Variants in NTM observed in about 807,000 individuals in gnomAD.
NTM encodes the protein neurotrimin.
A neutral mutation model predicts 42.1 loss-of-function variants in NTM; 13 were observed. That is an observed-to-expected ratio of 0.31 (90% CI 0.20 to 0.49). NTM has a LOEUF of 0.49. NTM is among the 20% of genes least tolerant of loss of function. NTM has a pLI of 0.99. For synonymous variants in NTM, 187 were observed against 179.2 expected, an observed-to-expected ratio of 1.04 and a Z score of -0.35; for missense variants, 373 against 452.8, an observed-to-expected ratio of 0.82 and a Z score of 1.60.
chr11:131,484,720 C>G (rs1460949583), intron 1 of NTM, among the ~76,000 whole-genome samples: 2 of 152,186 alleles, frequency 1.3e-5, no homozygotes, highest in African/African-American at 4.8e-5. Flanking sequence ...CAGTCTGGGT[C>G]TGAAGTCCTA....
At position 132,148,030 on chromosome 11, in the gene NTM, A is replaced by T. The variant is rs148600771; in HGVS notation, c.400+1516A>T. 9.5e-3 allele frequency among the ~76,000 whole-genome samples: 1,450 copies of T among 152,286 alleles called. 16 individuals are homozygous for T. The highest frequency in any genetic ancestry group is 0.033 in the African/African-American group (1,377 of 41,562). On this transcript the variant is annotated intron_variant, in intron 3 of 8. Transcript: ENST00000683400. ...CTGGACCTGGCTGTGGGCAGAACGTATGCCAGGGGACATGGGAATCCTTGA... is the reference window on the plus strand; with the variant it reads ...CTGGACCTGGCTGTGGGCAGAACGTTTGCCAGGGGACATGGGAATCCTTGA...
At chr11:131,972,042 C>CAAAGAAAAAAAAA (rs2063618932) in intron 2 of NTM, among the ~76,000 whole-genome samples, 1 of 57,832 alleles carries the variant, frequency 1.7e-5, no homozygotes, top group Admixed American at 2.0e-4. Context: ...GACTCCGTCT[C>CAAAGAAAAAAAAA]AAAAAAAAAA....
At chr11:131,820,135 C>A (rs778508703) in intron 1 of NTM, among the ~76,000 whole-genome samples, 3 of 152,152 alleles carry the variant, frequency 2.0e-5, no homozygotes, top group Non-Finnish European at 4.4e-5. Flanking sequence ...GCTGCTTGGG[C>A]GCAAAGTGGG....
chr11:131,946,190 G>A (rs773352841), intron 2 of NTM, among the ~76,000 whole-genome samples: 5 of 152,014 alleles, frequency 3.3e-5, no homozygotes, highest in African/African-American at 4.8e-5. Context: ...GGAGACTCGC[G>A]GGAGACTGGG....
At chr11:131,696,042 C>T (rs789529) in intron 1 of NTM, among the ~76,000 whole-genome samples, 41,401 of 152,126 alleles carry the variant, frequency 0.27, 7,591 homozygotes, top group African/African-American at 0.52. Flanking sequence ...AACAACTAGC[C>T]TCTCAACAGA....
chr11:132,174,939 C>T (rs540980275), intron 3 of NTM, among the ~76,000 whole-genome samples: 22 of 152,044 alleles, frequency 1.4e-4, no homozygotes, highest in East Asian at 5.8e-4. Flanking sequence ...CTCTTCTGGA[C>T]GAATATTTCT....
At chr11:131,885,260 C>T (rs1283303994) in intron 1 of NTM, among the ~76,000 whole-genome samples, 2 of 152,178 alleles carry the variant, frequency 1.3e-5, no homozygotes, top group Non-Finnish European at 2.9e-5. Flanking sequence ...GACTCCTGCC[C>T]TCACAGGGCT....
At chr11:132,149,994 A>G (rs1380401964) in intron 3 of NTM, among the ~76,000 whole-genome samples, 2 of 152,230 alleles carry the variant, frequency 1.3e-5, no homozygotes, top group East Asian at 3.8e-4. Context: ...CTATAAAGGA[A>G]TGCCTGAGGC....
At chr11:132,001,671 A>G (rs1461796253) in intron 2 of NTM, among the ~76,000 whole-genome samples, 1 of 152,042 alleles carries the variant, frequency 6.6e-6, no homozygotes, top group African/African-American at 2.4e-5. Flanking sequence ...CCATTACCCA[A>G]ACATCTCCCA....
At chr11:132,125,566 G>A (rs1461080706) in intron 2 of NTM, among the ~76,000 whole-genome samples, 4 of 144,218 alleles carry the variant, frequency 2.8e-5, no homozygotes, top group African/African-American at 1.0e-4. Flanking sequence ...GTGTGTGGTG[G>A]GGTATGAATG....
chr11:131,959,732 G>A (rs1296399080), intron 2 of NTM, among the ~76,000 whole-genome samples: 2 of 152,176 alleles, frequency 1.3e-5, no homozygotes, highest in African/African-American at 2.4e-5. Flanking sequence ...CATTCAATTT[G>A]TCTAATACAG....
intron 2 of NTM, among the ~76,000 whole-genome samples, chr11:131,952,299 C>T (rs1399468507): frequency 6.6e-6 from 1 of 152,178 alleles, no homozygotes; most frequent in Non-Finnish European, 1.5e-5. Flanking sequence ...ATGCATATGA[C>T]CCTTACTACC....
chr11:132,264,158 A>G (rs974885794), intron 4 of NTM, among the ~76,000 whole-genome samples: 1 of 152,200 alleles, frequency 6.6e-6, no homozygotes, highest in African/African-American at 2.4e-5. Context: ...TTGGCCCATA[A>G]CAGATACTTT....
intron 1 of NTM, among the ~76,000 whole-genome samples, chr11:131,640,655 C>T: frequency 6.6e-6 from 1 of 152,168 alleles, no homozygotes. Context: ...AGTGCTGTGC[C>T]TGCTAAGCCA....
intron 1 of NTM, among the ~76,000 whole-genome samples, chr11:131,543,503 G>A (rs926332387): frequency 6.6e-6 from 1 of 152,232 alleles, no homozygotes; most frequent in Admixed American, 6.5e-5. Flanking sequence ...GTTGTGTTCA[G>A]TGATTTTCTG....
At chr11:131,795,981 G>A in intron 1 of NTM, 1 of 985,032 alleles carries the variant, frequency 1.0e-6, no homozygotes, top group Non-Finnish European at 1.2e-6. Flanking sequence ...AGGGAAAAAG[G>A]TGTTTCAGAT....
chr11:131,943,620 C>T (rs2060040043), intron 2 of NTM, among the ~76,000 whole-genome samples: 3 of 152,200 alleles, frequency 2.0e-5, no homozygotes, highest in Admixed American at 6.5e-5. Context: ...TCCCTTCACT[C>T]TCTGAGCACC....
intron 2 of NTM, among the ~76,000 whole-genome samples, chr11:132,045,726 G>C (rs992489878): frequency 3.9e-5 from 6 of 152,124 alleles, no homozygotes; most frequent in Non-Finnish European, 7.4e-5. Context: ...CGGGGTTGAG[G>C]TTTTCCTTTC....
chr11:132,307,807 A>G lies in NTM; in HGVS notation c.645A>G (p.Val215=). The G allele has an allele frequency of 1.2e-6, 2 of 1,614,144 alleles. No individual in the cohort carries two copies. Among genetic ancestry groups the G allele is most frequent in the South Asian group, 1.1e-5 (1 of 91,076 alleles). Residue 215 remains valine (V), a synonymous_variant, in exon 5 of 9, where the codon GTA becomes GTG. Coordinates refer to ENST00000683400, the MANE Select transcript of NTM (RefSeq NM_001352005.2). ...TGGCCGCGCCCGTGGTACGGAGAGTAAAGGTCACCGTGAACTGTAAGTGTT... is the reference window on the plus strand; with the variant it reads ...TGGCCGCGCCCGTGGTACGGAGAGTGAAGGTCACCGTGAACTGTAAGTGTT... The part of the protein sequence containing the change: ...NDVAAPVVRR[V]KVTVNYPPYI...
Sources: gnomAD v4.1 joint callset for allele counts (sites outside exome capture counted in the v4.1 genomes callset) on GRCh38, gnomAD v4.1.1 for gene constraint, MANE v1.5 for transcripts, NCBI Gene and HGNC (gene_info 2026-07-23, HGNC 2026-07-21) for gene names.